The following CFAP58 variants were observed in gnomAD, a reference collection of about 807,000 sequenced individuals.
CFAP58 encodes cilia- and flagella-associated protein 58.
CFAP58 carries 88 observed loss-of-function variants against 119.5 expected under a neutral mutation model. The observed-to-expected ratio is 0.74, with a 90% confidence interval of 0.62 to 0.88. The LOEUF (loss-of-function observed/expected upper bound fraction) is 0.88. Ranked by LOEUF, CFAP58 falls within the 40% of genes least tolerant of loss-of-function variation. The probability of loss-of-function intolerance (pLI) is 0.00; values close to 1 mark genes in which losing one functional copy is unlikely to be tolerated. For synonymous variants in CFAP58, 365 were observed against 366.3 expected (o/e 1.00, Z 0.04); for missense variants, 990 against 1,021.2 (o/e 0.97, Z 0.42).
At chr10:104,439,876 G>A (rs1001471089) in intron 15 of CFAP58, among the ~76,000 whole-genome samples, 2 of 152,158 alleles carry the variant, frequency 1.3e-5, no homozygotes, top group African/African-American at 4.8e-5. Flanking sequence ...CTGGAGTGCA[G>A]TGGCGCGATC....
At chr10:104,427,282 T>C (rs1290283505) in intron 15 of CFAP58, among the ~76,000 whole-genome samples, 1 of 152,236 alleles carries the variant, frequency 6.6e-6, no homozygotes, top group Non-Finnish European at 1.5e-5. Context: ...ATTAGAATTC[T>C]CAGTTTATAA....
chr10:104,372,581 C>A (rs1032333015), intron 7 of CFAP58, among the ~76,000 whole-genome samples: 1 of 152,032 alleles, frequency 6.6e-6, no homozygotes, highest in Non-Finnish European at 1.5e-5. Flanking sequence ...TTAAATATTT[C>A]GATTTTATTC....
chr10:104,388,988 G>T (rs2011981956), intron 9 of CFAP58, among the ~76,000 whole-genome samples: 1 of 152,130 alleles, frequency 6.6e-6, no homozygotes, highest in South Asian at 2.1e-4. Context: ...TTGGTTTGAG[G>T]TATCTCAAAG....
At chr10:104,380,709 A>G (rs1221587333) in intron 9 of CFAP58, among the ~76,000 whole-genome samples, 1 of 152,206 alleles carries the variant, frequency 6.6e-6, no homozygotes, top group Non-Finnish European at 1.5e-5. Context: ...TTCAAAGAGC[A>G]TTTTTTATTC....
rs1386239347 is a variant in CFAP58 at position 104,400,910 on chromosome 10, G to T, written c.2039+7G>T. 6.2e-7 allele frequency: 1 copy of T among 1,610,338 alleles called. No individual in the cohort carries two copies. The highest frequency in any genetic ancestry group is 1.7e-5 in the Admixed American group (1 of 59,906). On this transcript the variant is annotated splice_region_variant and intron_variant, in intron 13 of 17. Transcript: ENST00000369704. ...CTAATGTTGAAGAACTCAGGTAATA[G>T]ATTATAGAACTCAGGGCTGAAGGCA... is the stretch of plus-strand genomic sequence containing the variant.
At chr10:104,354,650 C>CAG (rs749196406) in intron 1 of CFAP58, among the ~76,000 whole-genome samples, 85 of 152,310 alleles carry the variant, frequency 5.6e-4, no homozygotes, top group Admixed American at 1.7e-3. Context: ...ATGGCCCCAT[C>CAG]AGAGCCCTTC....
At chr10:104,359,928 T>C (rs1451426069) in intron 2 of CFAP58, among the ~76,000 whole-genome samples, 1 of 152,270 alleles carries the variant, frequency 6.6e-6, no homozygotes, top group Admixed American at 6.5e-5. Flanking sequence ...CATTTTTTAA[T>C]GTAAATATCT....
At chr10:104,413,040 G>T (rs1443263947) in intron 15 of CFAP58, among the ~76,000 whole-genome samples, 1 of 152,172 alleles carries the variant, frequency 6.6e-6, no homozygotes, top group Non-Finnish European at 1.5e-5. Context: ...TTTCCTGTTA[G>T]ACTATAAGCT....
intron 15 of CFAP58, among the ~76,000 whole-genome samples, chr10:104,410,558 C>T (rs950622346): frequency 1.3e-5 from 2 of 152,140 alleles, no homozygotes; most frequent in African/African-American, 2.4e-5. Context: ...TCCTTTGTGT[C>T]CCCAGCTTCC....
chr10:104,412,496 T>G (rs1437803760), intron 15 of CFAP58, among the ~76,000 whole-genome samples: 3 of 152,140 alleles, frequency 2.0e-5, no homozygotes, highest in Admixed American at 1.3e-4. Context: ...ACAACAAGCC[T>G]TGTTATCTTG....
intron 15 of CFAP58, among the ~76,000 whole-genome samples, chr10:104,416,308 G>A (rs2012552824): frequency 6.6e-6 from 1 of 152,186 alleles, no homozygotes; most frequent in Admixed American, 6.5e-5. Flanking sequence ...TGTTGCTTTA[G>A]GAAATTGTCA....
chr10:104,372,608 C>G (rs990523048), intron 7 of CFAP58, among the ~76,000 whole-genome samples: 1 of 152,092 alleles, frequency 6.6e-6, no homozygotes, highest in Non-Finnish European at 1.5e-5. Flanking sequence ...ATGCCACAGT[C>G]TAGTGTGAGT....
chr10:104,364,958 T>C, intron 4 of CFAP58, 69 bp downstream of exon 4: 1 of 1,500,916 alleles, frequency 6.7e-7, no homozygotes, highest in Non-Finnish European at 9.0e-7. Context: ...ACAGTCTCTA[T>C]TCCCATCTTG....
intron 9 of CFAP58, among the ~76,000 whole-genome samples, chr10:104,381,166 C>T (rs1281067882): frequency 6.6e-6 from 1 of 152,020 alleles, no homozygotes; most frequent in African/African-American, 2.4e-5. Flanking sequence ...AACAAACAAA[C>T]AAACAAACAG....
At chr10:104,432,384 C>G (rs185519023) in intron 15 of CFAP58, among the ~76,000 whole-genome samples, 34 of 152,196 alleles carry the variant, frequency 2.2e-4, no homozygotes, top group African/African-American at 7.2e-4. Flanking sequence ...AATAAGGTAA[C>G]CTTATTAGTA....
At chr10:104,359,313 C>G (rs1191707144) in intron 2 of CFAP58, among the ~76,000 whole-genome samples, 1 of 152,108 alleles carries the variant, frequency 6.6e-6, no homozygotes, top group Non-Finnish European at 1.5e-5. Context: ...TGGTATCATG[C>G]AATTAGATAC....
At chr10:104,444,518 T>G (rs1200131349) in intron 15 of CFAP58, among the ~76,000 whole-genome samples, 10 of 152,232 alleles carry the variant, frequency 6.6e-5, no homozygotes. Context: ...AAGAGCTTGG[T>G]TGGCCCTTGT....
Position 104,376,823 on chromosome 10 carries a change from C to T in CFAP58, c.1103C>T (p.Ser368Leu). ...CCTGGGGATTCAGAGGTAGAGGCTT[C>T]AAAGAAACAAGCAGAACTTGACAGA... is the stretch of plus-strand genomic sequence containing the variant. The part of the protein sequence containing the change: ...IVGLEREVEA[S>L]KKQAELDRKA... Residue 368 changes from serine to leucine, a missense_variant, in exon 8 of 18, where the codon TCA becomes TTA. Coordinates refer to ENST00000369704, the MANE Select transcript of CFAP58 (RefSeq NM_001008723.2). 6.2e-7 allele frequency: 1 copy of T among 1,613,046 alleles called. No homozygotes were observed. Among genetic ancestry groups the T allele is most frequent in the Non-Finnish European group, 8.5e-7 (1 of 1,179,570 alleles).
At chr10:104,411,584 G>C (rs1313605717) in intron 15 of CFAP58, among the ~76,000 whole-genome samples, 8 of 151,634 alleles carry the variant, frequency 5.3e-5, no homozygotes, top group African/African-American at 1.9e-4. Flanking sequence ...TCAGGTTAAG[G>C]GTATGTCCAT....
Sources: gnomAD v4.1 joint callset for allele counts (sites outside exome capture counted in the v4.1 genomes callset) on GRCh38, gnomAD v4.1.1 for gene constraint, MANE v1.5 for transcripts, NCBI Gene and HGNC (gene_info 2026-07-23, HGNC 2026-07-21) for gene names.